GLIS3: variants seen among roughly 807,000 people sequenced by gnomAD.
GLIS3 encodes zinc finger protein GLIS3.
In GLIS3, 53 loss-of-function variants were observed where a neutral mutation model predicts 78.6. That is an observed-to-expected ratio of 0.67 (90% CI 0.54 to 0.85). GLIS3 has a LOEUF of 0.85. GLIS3 is among the 40% of genes least tolerant of loss of function. The probability of loss-of-function intolerance (pLI) is 0.00; values close to 1 mark genes in which losing one functional copy is unlikely to be tolerated. For missense variants in GLIS3, 1,703 were observed against 1,231.1 expected, an observed-to-expected ratio of 1.38 and a Z score of -5.74; for synonymous variants, 684 against 509.9, an observed-to-expected ratio of 1.34 and a Z score of -4.60.
At chr9:4,002,370 A>T (rs534969972) in intron 4 of GLIS3, among the ~76,000 whole-genome samples, 1 of 152,180 alleles carries the variant, frequency 6.6e-6, no homozygotes, top group African/African-American at 2.4e-5. Context: ...AAGACAATAA[A>T]TTTGTGTTAT....
intron 3 of GLIS3, 85 bp downstream of exon 3, chr9:4,125,649 T>TGTGTGC: frequency 1.1e-6 from 1 of 885,652 alleles, no homozygotes; most frequent in Non-Finnish European, 1.9e-6. Context: ...TGTGTGTGTG[T>TGTGTGC]GTGTGTATTC....
At chr9:4,320,684 TCAC>T (rs1013253064) in intron 2 of GLIS3, among the ~76,000 whole-genome samples, 5 of 151,972 alleles carry the variant, frequency 3.3e-5, no homozygotes, top group African/African-American at 9.7e-5. Flanking sequence ...ACCACCGCCA[TCAC>T]CACATCACCA....
rs538098787 is a variant in GLIS3 at position 4,210,876 on chromosome 9, C to T, written c.388+75162G>A. 3.3e-5 allele frequency among the ~76,000 whole-genome samples: 5 copies of T among 152,316 alleles called. No homozygotes were observed. In the East Asian group the frequency reaches 7.7e-4, roughly 23 times the overall value. ...TGGAATGTCTGCCATTTTCCTTCTT[C>T]CAAGGTAAATTCCACACACCCCTAC... On this transcript the variant is annotated intron_variant, in intron 2 of 10. Coordinates refer to ENST00000381971, the MANE Select transcript of GLIS3 (RefSeq NM_001042413.2).
the GLIS3 span, among the ~76,000 whole-genome samples, chr9:4,483,594 C>T: frequency 6.6e-6 from 1 of 152,022 alleles, no homozygotes; most frequent in East Asian, 1.9e-4. Context: ...GTGGTGCACG[C>T]CTGTAATCCC....
chr9:4,165,231 A>C (rs1445144213), intron 2 of GLIS3, among the ~76,000 whole-genome samples: 2 of 152,178 alleles, frequency 1.3e-5, no homozygotes, highest in Non-Finnish European at 2.9e-5. Context: ...ACCTAAGGTC[A>C]GGAGTTCGAG....
At chr9:4,398,859 T>C in the GLIS3 span, among the ~76,000 whole-genome samples, 3 of 152,156 alleles carry the variant, frequency 2.0e-5, no homozygotes, top group African/African-American at 7.2e-5. Context: ...TGGCTAATTT[T>C]TGTATTTTTA....
intron 2 of GLIS3, among the ~76,000 whole-genome samples, chr9:4,219,660 G>C (rs1283368626): frequency 2.0e-5 from 3 of 152,156 alleles, no homozygotes; most frequent in Non-Finnish European, 4.4e-5. Flanking sequence ...AGTTAAGGCG[G>C]TCACTATTCT....
the GLIS3 span, among the ~76,000 whole-genome samples, chr9:4,481,545 C>A: frequency 3.1e-5 from 4 of 128,454 alleles, no homozygotes; most frequent in Non-Finnish European, 6.8e-5. Flanking sequence ...TGTGTGTGTA[C>A]CGTTTTCCAG....
chr9:4,428,356 G>A, the GLIS3 span, among the ~76,000 whole-genome samples: 1 of 151,836 alleles, frequency 6.6e-6, no homozygotes, highest in Non-Finnish European at 1.5e-5. Context: ...GCATGCACCT[G>A]TAGTCCCAGA....
At chr9:3,873,693 A>C (rs966950853) in intron 8 of GLIS3, among the ~76,000 whole-genome samples, 5 of 151,936 alleles carry the variant, frequency 3.3e-5, no homozygotes, top group African/African-American at 1.2e-4. Context: ...AAGTCAAAGA[A>C]AAAGTCAAAG....
At chr9:4,477,012 C>CA in the GLIS3 span, among the ~76,000 whole-genome samples, 1 of 151,966 alleles carries the variant, frequency 6.6e-6, no homozygotes, top group Non-Finnish European at 1.5e-5. Context: ...GGCAGTTCCT[C>CA]AAAAAATTAA....
At chr9:4,263,723 T>A (rs927256953) in intron 2 of GLIS3, among the ~76,000 whole-genome samples, 2 of 152,228 alleles carry the variant, frequency 1.3e-5, no homozygotes, top group Non-Finnish European at 2.9e-5. Context: ...GAGTATTTTG[T>A]GGCTTCATCT....
At chr9:4,303,151 TATGATC>T (rs1563925083), upstream of GLIS3, among the ~76,000 whole-genome samples, 1 of 151,992 alleles carries the variant, frequency 6.6e-6, no homozygotes, top group East Asian at 1.9e-4. Flanking sequence ...TGCAAAGAAC[TATGATC>T]AGATTCCTCC....
chr9:4,159,621 A>G (rs1374299574), intron 2 of GLIS3, among the ~76,000 whole-genome samples: 2 of 152,128 alleles, frequency 1.3e-5, no homozygotes, highest in African/African-American at 2.4e-5. Flanking sequence ...GGGGAGGCTG[A>G]GGCAGGGAAA....
chr9:4,159,343 T>C (rs1835294798), intron 2 of GLIS3, among the ~76,000 whole-genome samples: 1 of 152,226 alleles, frequency 6.6e-6, no homozygotes, highest in Non-Finnish European at 1.5e-5. Flanking sequence ...GATGATCATG[T>C]TCTACCCTTT....
At chr9:4,243,029 A>C (rs1020120858) in intron 2 of GLIS3, among the ~76,000 whole-genome samples, 1 of 152,190 alleles carries the variant, frequency 6.6e-6, no homozygotes, top group Non-Finnish European at 1.5e-5. Flanking sequence ...AGTATATTCC[A>C]GATATTCTAC....
At chr9:4,029,271 A>C (rs1823609315) in intron 4 of GLIS3, among the ~76,000 whole-genome samples, 2 of 152,162 alleles carry the variant, frequency 1.3e-5, no homozygotes, top group South Asian at 4.2e-4. Flanking sequence ...AAATTCCAGC[A>C]GACCTTTTCC....
chr9:4,043,402 G>A (rs181657251), intron 4 of GLIS3, among the ~76,000 whole-genome samples: 3 of 152,192 alleles, frequency 2.0e-5, no homozygotes, highest in Admixed American at 1.3e-4. Context: ...GGGTGAGGGT[G>A]GGGAGCAGTT....
chr9:3,840,861 C>T (rs1163431944), intron 9 of GLIS3, among the ~76,000 whole-genome samples: 2 of 152,210 alleles, frequency 1.3e-5, no homozygotes, highest in Non-Finnish European at 2.9e-5. Context: ...TTGTGCCCCT[C>T]ACAGCACCTC....
Sources: allele counts gnomAD v4.1 joint callset (sites outside exome capture counted in the v4.1 genomes callset), GRCh38; gene constraint gnomAD v4.1.1; transcripts MANE v1.5; gene names NCBI Gene and HGNC (gene_info 2026-07-23, HGNC 2026-07-21).